TP63: variants seen among roughly 807,000 people sequenced by gnomAD.
The protein encoded by TP63 is tumor protein p63.
A neutral mutation model predicts 82.8 loss-of-function variants in TP63; 17 were observed. The ratio of observed to expected loss-of-function variants is 0.21; its 90% confidence interval spans 0.14 to 0.31. TP63 has a LOEUF of 0.31. Among genes scored for constraint, TP63 ranks in the 10% least tolerant of loss-of-function variants. TP63 has a pLI of 1.00. For missense variants in TP63, 648 were observed against 895.3 expected (o/e 0.72, Z 3.52); for synonymous variants, 330 against 321.7 (o/e 1.03, Z -0.28).
intron 1 of TP63, among the ~76,000 whole-genome samples, chr3:189,680,216 A>G (rs1715791509): frequency 1.3e-5 from 2 of 152,102 alleles, no homozygotes; most frequent in Non-Finnish European, 2.9e-5. Flanking sequence ...TAATTATTCC[A>G]ATTCATGAAC....
At chr3:189,724,513 G>A (rs1162361693) in intron 1 of TP63, among the ~76,000 whole-genome samples, 2 of 152,092 alleles carry the variant, frequency 1.3e-5, no homozygotes, top group Non-Finnish European at 2.9e-5. Context: ...AGTCCATTGT[G>A]TCATTCTTCT....
At chr3:189,629,205 C>T (rs185891507), upstream of TP63, among the ~76,000 whole-genome samples, 61 of 151,874 alleles carry the variant, frequency 4.0e-4, 1 homozygote, top group East Asian at 0.012. Context: ...CAGCAAGACC[C>T]CATATCTAAA....
At chr3:189,811,445 T>G (rs1727560780) in intron 4 of TP63, among the ~76,000 whole-genome samples, 1 of 152,204 alleles carries the variant, frequency 6.6e-6, no homozygotes, top group African/African-American at 2.4e-5. Context: ...TTTATTAAAT[T>G]TCTTTCTTGT....
At chr3:189,613,530 T>A in the TP63 span, among the ~76,000 whole-genome samples, 1 of 152,100 alleles carries the variant, frequency 6.6e-6, no homozygotes, top group Admixed American at 6.5e-5. Flanking sequence ...AGAAGGGAAA[T>A]TTGGGGTCAG....
At chr3:189,701,764 G>A (rs988333758) in intron 1 of TP63, among the ~76,000 whole-genome samples, 3 of 151,844 alleles carry the variant, frequency 2.0e-5, no homozygotes, top group African/African-American at 7.2e-5. Flanking sequence ...TAAGTGACCT[G>A]GGATTGATTC....
Position 189,866,713 on chromosome 3 carries a change from A to G in TP63, c.798A>G (p.Arg266=). The G allele has an allele frequency of 6.2e-7, 1 of 1,613,922 alleles. No homozygotes were observed. The highest frequency in any genetic ancestry group is 1.3e-5 in the African/African-American group (1 of 74,984). The change falls in exon 6 of 14, where the codon CGA becomes CGG. Residue 266 remains arginine (R), a synonymous_variant. Coordinates refer to ENST00000264731, the MANE Select transcript of TP63 (RefSeq NM_003722.5). ...TTGCCCCTCCTAGTCATTTGATTCG[A>G]GTAGAGGGGAACAGCCATGCCCAGT... is the stretch of plus-strand genomic sequence containing the variant. The part of the protein sequence containing the change: ...GQIAPPSHLI[R]VEGNSHAQYV...
chr3:189,892,348 T>G (rs1443876378), intron 13 of TP63, among the ~76,000 whole-genome samples: 1 of 152,210 alleles, frequency 6.6e-6, no homozygotes, highest in Non-Finnish European at 1.5e-5. Context: ...CTAAGTCCTA[T>G]GCCAATCTGT....
At chr3:189,695,493 G>T (rs1190059302) in intron 1 of TP63, among the ~76,000 whole-genome samples, 1 of 152,182 alleles carries the variant, frequency 6.6e-6, no homozygotes, top group Non-Finnish European at 1.5e-5. Flanking sequence ...GATAGTTTTA[G>T]AAACCAAGAA....
intron 3 of TP63, among the ~76,000 whole-genome samples, chr3:189,791,386 G>C (rs2108596037): frequency 6.6e-6 from 1 of 152,212 alleles, no homozygotes; most frequent in Non-Finnish European, 1.5e-5. Context: ...GTGAAAGAAA[G>C]CAATTGCATT....
the TP63 span, among the ~76,000 whole-genome samples, chr3:189,601,645 A>G: frequency 7.2e-5 from 11 of 152,292 alleles, no homozygotes; most frequent in South Asian, 1.9e-3. Context: ...TTCCTCATTC[A>G]TGAGTAGTAC....
At chr3:189,885,318 A>G (rs1011169205) in intron 10 of TP63, among the ~76,000 whole-genome samples, 7 of 152,188 alleles carry the variant, frequency 4.6e-5, no homozygotes, top group Admixed American at 2.6e-4. Flanking sequence ...AGGATGGATT[A>G]TTATATCCAT....
chr3:189,816,964 T>A (rs990728037), intron 4 of TP63, among the ~76,000 whole-genome samples: 2 of 151,700 alleles, frequency 1.3e-5, no homozygotes, highest in Non-Finnish European at 2.9e-5. Context: ...GAATGAGACT[T>A]CTCATTTTAG....
chr3:189,886,409 T>C lies in TP63; in HGVS notation c.1365T>C (p.Ser455=), dbSNP rs1720449334. The C allele has an allele frequency of 1.2e-6, 2 of 1,614,108 alleles. No individual in the cohort carries two copies. The highest frequency in any genetic ancestry group is 1.7e-6 in the Non-Finnish European group (2 of 1,179,996). ...GTCTTCCTAGGACCTCAATACAGTC[T>C]CCATCTTCATATGGTAACAGCTCCC... ...HLLQKQTSIQ[S]PSSYGNSSPP... Residue 455 remains serine, a synonymous_variant, in exon 11 of 14, where the codon TCT becomes TCC. Transcript: ENST00000264731.
intron 1 of TP63, among the ~76,000 whole-genome samples, chr3:189,719,716 G>A (rs769587180): frequency 5.9e-5 from 9 of 152,120 alleles, no homozygotes; most frequent in Non-Finnish European, 1.3e-4. Flanking sequence ...AGAGTATGTG[G>A]GTAGCAGTTT....
At chr3:189,662,153 G>A (rs1187513137) in intron 1 of TP63, among the ~76,000 whole-genome samples, 1 of 151,976 alleles carries the variant, frequency 6.6e-6, no homozygotes, top group Non-Finnish European at 1.5e-5. Context: ...TAGGTGTGAT[G>A]TTAGATCATT....
At chr3:189,633,661 G>A (rs1331651594) in intron 1 of TP63, among the ~76,000 whole-genome samples, 3 of 152,092 alleles carry the variant, frequency 2.0e-5, no homozygotes, top group Non-Finnish European at 4.4e-5. Context: ...GGGGAAGGCA[G>A]GGGAGGGCAT....
At chr3:189,634,756 G>A (rs906254152) in intron 1 of TP63, among the ~76,000 whole-genome samples, 11 of 152,058 alleles carry the variant, frequency 7.2e-5, no homozygotes, top group Middle Eastern at 3.4e-3. Flanking sequence ...CAGTGGGTTC[G>A]TTACCATTAA....
intron 1 of TP63, among the ~76,000 whole-genome samples, chr3:189,715,516 A>G (rs1175015214): frequency 6.6e-6 from 1 of 152,224 alleles, no homozygotes; most frequent in Non-Finnish European, 1.5e-5. Context: ...TATTAGGTAT[A>G]TACATTTCAG....
At chr3:189,756,004 G>A (rs1157875865) in intron 3 of TP63, among the ~76,000 whole-genome samples, 1 of 152,096 alleles carries the variant, frequency 6.6e-6, no homozygotes, top group Non-Finnish European at 1.5e-5. Flanking sequence ...AGACCTAGCT[G>A]GGATGGAAAT....
Sources: gnomAD v4.1 joint callset for allele counts (sites outside exome capture counted in the v4.1 genomes callset) on GRCh38, gnomAD v4.1.1 for gene constraint, MANE v1.5 for transcripts, NCBI Gene and HGNC (gene_info 2026-07-23, HGNC 2026-07-21) for gene names.